LRRC69: variants seen among roughly 807,000 people sequenced by gnomAD.
LRRC69 encodes the protein leucine-rich repeat-containing protein 69.
A neutral mutation model predicts 37.8 loss-of-function variants in LRRC69; 42 were observed. The ratio of observed to expected loss-of-function variants is 1.11; its 90% CI spans 0.87 to 1.44. The LOEUF is 1.44. Among genes scored for constraint, LRRC69 ranks in the 40% most tolerant of loss-of-function variants. The pLI is 0.00. For synonymous variants in LRRC69, 141 were observed against 143.1 expected, an observed-to-expected ratio of 0.99 and a Z score of 0.11; for missense variants, 357 against 401.9, an observed-to-expected ratio of 0.89 and a Z score of 0.96.
chr8:91,146,153 G>C (rs1191425975), intron 5 of LRRC69, among the ~76,000 whole-genome samples: 1 of 151,710 alleles, frequency 6.6e-6, no homozygotes, highest in African/African-American at 2.4e-5. Context: ...ATAGTGGTTG[G>C]TGAACAGCAT....
intron 7 of LRRC69, among the ~76,000 whole-genome samples, chr8:91,211,619 T>A (rs888888680): frequency 1.3e-3 from 194 of 144,720 alleles, no homozygotes; most frequent in African/African-American, 4.7e-3. Context: ...TATATATATT[T>A]TTTTTTTATT....
chr8:91,174,646 T>G (rs1026710961), intron 5 of LRRC69, among the ~76,000 whole-genome samples: 3 of 152,260 alleles, frequency 2.0e-5, no homozygotes, highest in African/African-American at 7.2e-5. Context: ...TGTTGCTTGG[T>G]CTGAATACAT....
At chr8:91,155,074 C>G (rs1003544691) in intron 5 of LRRC69, among the ~76,000 whole-genome samples, 1 of 151,322 alleles carries the variant, frequency 6.6e-6, no homozygotes. Flanking sequence ...TTCCTATACA[C>G]CAACAGGAGA....
At chr8:91,122,518 T>G (rs1241055191) in intron 1 of LRRC69, among the ~76,000 whole-genome samples, 1 of 152,078 alleles carries the variant, frequency 6.6e-6, no homozygotes, top group Non-Finnish European at 1.5e-5. Flanking sequence ...AGTAATATTC[T>G]GGACACTTCT....
chr8:91,197,876 A>G (rs1328554729), intron 6 of LRRC69, among the ~76,000 whole-genome samples: 1 of 152,018 alleles, frequency 6.6e-6, no homozygotes, highest in African/African-American at 2.4e-5. Flanking sequence ...CCCGTCTCCA[A>G]AAGTTAATTT....
At chr8:91,204,592 C>A (rs1809767717) in intron 7 of LRRC69, among the ~76,000 whole-genome samples, 1 of 152,206 alleles carries the variant, frequency 6.6e-6, no homozygotes, top group East Asian at 1.9e-4. Context: ...CTCCTGCATA[C>A]AAGTATGCTA....
intron 5 of LRRC69, chr8:91,157,905 A>C (rs1288464454): frequency 6.4e-7 from 1 of 1,570,940 alleles, no homozygotes; most frequent in African/African-American, 1.4e-5. Context: ...ATAGGCTCAA[A>C]GTACAAGAAA....
intron 6 of LRRC69, among the ~76,000 whole-genome samples, chr8:91,197,776 A>G (rs1420773771): frequency 6.6e-6 from 1 of 151,476 alleles, no homozygotes; most frequent in Non-Finnish European, 1.5e-5. Context: ...CCGGTACCTC[A>G]GATGGAAATG....
chr8:91,108,049 T>C (rs1813350123), intron 1 of LRRC69, among the ~76,000 whole-genome samples: 2 of 152,070 alleles, frequency 1.3e-5, no homozygotes. Context: ...TGTGCAGCAT[T>C]GTTGACATGT....
intron 5 of LRRC69, among the ~76,000 whole-genome samples, chr8:91,183,103 C>G (rs1023341810): frequency 6.6e-6 from 1 of 152,154 alleles, no homozygotes; most frequent in African/African-American, 2.4e-5. Context: ...TTCAGTGTGA[C>G]TGGGGCTCAC....
intron 5 of LRRC69, among the ~76,000 whole-genome samples, chr8:91,186,553 A>G (rs546637067): frequency 2.0e-5 from 3 of 152,200 alleles, no homozygotes; most frequent in Non-Finnish European, 2.9e-5. Context: ...ATGGTTGGAG[A>G]GTCAGCCAAG....
At chr8:91,182,458 T>G (rs890093268) in intron 5 of LRRC69, among the ~76,000 whole-genome samples, 8 of 152,202 alleles carry the variant, frequency 5.3e-5, no homozygotes, top group Non-Finnish European at 7.4e-5. Context: ...TTATTAATGG[T>G]TGAAACTGTT....
chr8:91,177,306 A>T (rs1014753307), intron 5 of LRRC69, among the ~76,000 whole-genome samples: 6 of 152,154 alleles, frequency 3.9e-5, no homozygotes, highest in African/African-American at 1.4e-4. Context: ...TTCTCTATTA[A>T]TTTATTTGTG....
chr8:91,156,965 C>T (rs1190130816), intron 5 of LRRC69, among the ~76,000 whole-genome samples: 1 of 150,896 alleles, frequency 6.6e-6, no homozygotes, highest in Admixed American at 6.6e-5. Flanking sequence ...TATTCTGTTC[C>T]ATTGGTCTAA....
intron 3 of LRRC69, among the ~76,000 whole-genome samples, chr8:91,127,514 T>C (rs1444510501): frequency 6.8e-6 from 1 of 147,160 alleles, no homozygotes; most frequent in Non-Finnish European, 1.5e-5. Context: ...ATTTTGAGCT[T>C]GATGGAAAAG....
intron 1 of LRRC69, 43 bp from the exon 2 acceptor site, chr8:91,124,446 TGAAG>T (rs1343001118): frequency 2.1e-6 from 3 of 1,406,088 alleles, no homozygotes; most frequent in Middle Eastern, 1.8e-4. Context: ...TTTTTTCATT[TGAAG>T]TTGGATGATA....
rs1443821274 is a variant in LRRC69 at position 91,202,018 on chromosome 8, CAATATGATAAA to C, written c.933+1228_933+1238del. On this transcript the variant is annotated intron_variant, in intron 7 of 7. Transcript: ENST00000448384. Reference sequence around the variant, plus strand: ...GTCAGGAGTTTGAGACCAGTCTGGCCAATATGATAAAATCACATCTCTACTAAAAATACAAA... The same window carrying C: ...GTCAGGAGTTTGAGACCAGTCTGGCCATCACATCTCTACTAAAAATACAAA... 2.0e-5 allele frequency among the ~76,000 whole-genome samples: 3 copies of C among 151,906 alleles called. No individual in the cohort carries two copies. In the East Asian group the frequency reaches 5.8e-4, roughly 29 times the overall value.
At chr8:91,150,508 T>G (rs1420900798) in intron 5 of LRRC69, among the ~76,000 whole-genome samples, 1 of 152,046 alleles carries the variant, frequency 6.6e-6, no homozygotes, top group African/African-American at 2.4e-5. Context: ...TGAGGATTTT[T>G]GCGTCAATGT....
At chr8:91,167,109 C>T (rs536611943) in intron 5 of LRRC69, among the ~76,000 whole-genome samples, 1 of 151,892 alleles carries the variant, frequency 6.6e-6, no homozygotes, top group South Asian at 2.1e-4. Flanking sequence ...GTGAGTACTA[C>T]AGGAGCAGCA....
Sources: gnomAD v4.1 joint callset for allele counts (sites outside exome capture counted in the v4.1 genomes callset) on GRCh38, gnomAD v4.1.1 for gene constraint, MANE v1.5 for transcripts, NCBI Gene and HGNC (gene_info 2026-07-23, HGNC 2026-07-21) for gene names.